Variants in BLACAT1 observed in about 807,000 individuals in gnomAD.
The protein encoded by BLACAT1 is bladder cancer associated transcript 1.
At chr1:205,454,318 A>G (rs968005971) in intron 1 of BLACAT1, among the ~76,000 whole-genome samples, 2 of 151,938 alleles carry the variant, frequency 1.3e-5, no homozygotes, top group African/African-American at 4.8e-5. Context: ...CCAGGGTTAC[A>G]CTGAATTTGA....
At chr1:205,439,836 C>T (rs1666264568), downstream of BLACAT1, among the ~76,000 whole-genome samples, 1 of 151,854 alleles carries the variant, frequency 6.6e-6, no homozygotes, top group South Asian at 2.1e-4. Flanking sequence ...CTAAGTTATA[C>T]CAAAATGAAG....
chr1:205,443,492 G>C (rs1666331467), intron 1 of BLACAT1, among the ~76,000 whole-genome samples: 1 of 152,168 alleles, frequency 6.6e-6, no homozygotes, highest in South Asian at 2.1e-4. Context: ...CTACACATCA[G>C]AGGAAAGGAG....
chr1:205,451,226 C>T (rs536370698), intron 1 of BLACAT1, among the ~76,000 whole-genome samples: 1 of 152,294 alleles, frequency 6.6e-6, no homozygotes, highest in East Asian at 1.9e-4. Context: ...GAGGTCTGAG[C>T]TCTCCCCAGA....
rs1353626049 is a variant in BLACAT1 at position 205,450,827 on chromosome 1, G to T, written c.-37+5090C>A. On this transcript the variant is annotated intron_variant, in intron 1 of 1. Transcript: ENST00000629624. The surrounding 1 kb of genome is among the most constrained non-coding windows in gnomAD (Gnocchi z 4.4). ...GGGACAGCCATCATGTCTCAGGCTG[G>T]AGTGAACCTCACTTGAAATATGGAG... Among the ~76,000 whole-genome samples, 1 of 152,208 alleles carries T rather than the reference G, an allele frequency of 6.6e-6. No individual in the cohort carries two copies. The highest frequency in any genetic ancestry group is 1.5e-5 in the Non-Finnish European group (1 of 68,044).
At chr1:205,452,235 G>GCC (rs1219497152) in intron 1 of BLACAT1, among the ~76,000 whole-genome samples, 1 of 152,160 alleles carries the variant, frequency 6.6e-6, no homozygotes, top group Non-Finnish European at 1.5e-5. Flanking sequence ...TTTTTAGGGA[G>GCC]CCCCCAGTCC....
intron 1 of BLACAT1, among the ~76,000 whole-genome samples, chr1:205,442,690 C>T (rs1207287601): frequency 6.6e-6 from 1 of 152,124 alleles, no homozygotes; most frequent in Admixed American, 6.5e-5. Context: ...TTTAATAACC[C>T]GATTTCCAGC....
At chr1:205,445,068 G>A (rs1026730455) in intron 1 of BLACAT1, among the ~76,000 whole-genome samples, 1 of 152,200 alleles carries the variant, frequency 6.6e-6, no homozygotes, top group Non-Finnish European at 1.5e-5. Flanking sequence ...CACTGCGAAG[G>A]GAAGCAGCTG....
At chr1:205,440,803 G>A (rs957940163) in exon 2 of BLACAT1, 3 of 152,438 alleles carry the variant, frequency 2.0e-5, no homozygotes, top group Non-Finnish European at 2.9e-5. Flanking sequence ...AGGCTGAGAA[G>A]AGCACTGGCT....
chr1:205,446,932 C>G (rs913725), intron 1 of BLACAT1, among the ~76,000 whole-genome samples: 130,493 of 152,186 alleles, frequency 0.86, 56,909 homozygotes, highest in East Asian at 0.96. Context: ...CTGATCCCCC[C>G]GCTCCCCCCG....
intron 1 of BLACAT1, among the ~76,000 whole-genome samples, chr1:205,449,414 G>A (rs932685558): frequency 2.0e-5 from 3 of 151,988 alleles, no homozygotes; most frequent in African/African-American, 7.2e-5. Context: ...ATGGTAAGAG[G>A]CCCCAGGCCC....
intron 1 of BLACAT1, among the ~76,000 whole-genome samples, chr1:205,455,550 G>A (rs1037642411): frequency 1.3e-5 from 2 of 152,164 alleles, no homozygotes; most frequent in Non-Finnish European, 2.9e-5. Flanking sequence ...AACGGAGGAG[G>A]CACTCCAAGC....
chr1:205,455,641 C>T (rs1666553823), intron 1 of BLACAT1, among the ~76,000 whole-genome samples: 1 of 152,152 alleles, frequency 6.6e-6, no homozygotes, highest in Admixed American at 6.5e-5. Context: ...ATCCCACCAG[C>T]GGCAAAATCC....
chr1:205,438,769 C>T (rs1666247768), downstream of BLACAT1, among the ~76,000 whole-genome samples: 3 of 152,018 alleles, frequency 2.0e-5, 1 homozygote, highest in South Asian at 6.2e-4. Context: ...ACCCATGTTC[C>T]CAAAGCCAGG....
chr1:205,437,871 T>A (rs1440326500), downstream of BLACAT1: 1 of 152,180 alleles, frequency 6.6e-6, no homozygotes, highest in African/African-American at 2.4e-5. Flanking sequence ...TCAGTGCTCC[T>A]TGCATCCCAC....
intron 1 of BLACAT1, among the ~76,000 whole-genome samples, chr1:205,446,924 G>C (rs1666398832): frequency 6.6e-6 from 1 of 152,072 alleles, no homozygotes; most frequent in Non-Finnish European, 1.5e-5. Flanking sequence ...CTATTGTTCT[G>C]ATCCCCCCGC....
chr1:205,449,088 G>A (rs1169425489), intron 1 of BLACAT1, among the ~76,000 whole-genome samples: 1 of 152,132 alleles, frequency 6.6e-6, no homozygotes, highest in Non-Finnish European at 1.5e-5. Context: ...TCCCCAAGCT[G>A]AGGGCAGCTC....
At position 205,448,854 on chromosome 1, in the gene BLACAT1, G is replaced by T. The variant is rs1013790865; in HGVS notation, c.-37+7063C>A. On this transcript the variant is annotated intron_variant, in intron 1 of 1. Transcript: ENST00000629624. The surrounding 1 kb of genome is among the most constrained non-coding windows in gnomAD (Gnocchi z 4.7). ...TAGTCCAGCCACTGGAAGCACAGAG[G>T]GCAAAGGAGGGTCTGGGTAAAGGAG... Among the ~76,000 whole-genome samples, 1 of 152,140 alleles carries T rather than the reference G, an allele frequency of 6.6e-6. No individual in the cohort carries two copies. Among genetic ancestry groups the T allele is most frequent in the African/African-American group, 2.4e-5 (1 of 41,424 alleles).
downstream of BLACAT1, chr1:205,436,836 A>G (rs3738744): frequency 0.76 from 116,178 of 152,140 alleles, 45,338 homozygotes; most frequent in East Asian, 0.93. Flanking sequence ...CCACCTTTGC[A>G]GTTGTGAACC....
intron 1 of BLACAT1, among the ~76,000 whole-genome samples, chr1:205,443,093 G>A (rs933119561): frequency 6.6e-6 from 1 of 152,262 alleles, no homozygotes; most frequent in South Asian, 2.1e-4. Flanking sequence ...ATTGTCACAC[G>A]TGCACTTCTC....
Sources: gnomAD v4.1 joint callset for allele counts (sites outside exome capture counted in the v4.1 genomes callset) on GRCh38, gnomAD v4.1.1 for gene constraint, Gnocchi (gnomAD v3.1) non-coding constraint, MANE v1.5 for transcripts, NCBI Gene and HGNC (gene_info 2026-07-23, HGNC 2026-07-21) for gene names.